DMKN: variants seen among roughly 807,000 people sequenced by gnomAD.
DMKN encodes the protein dermokine.
A neutral mutation model predicts 67.6 loss-of-function variants in DMKN; 58 were observed. The observed-to-expected ratio is 0.86, with a 90% CI of 0.69 to 1.07. The LOEUF is 1.07. DMKN is among the 50% of genes least tolerant of loss of function. The pLI is 0.00. For synonymous variants in DMKN, 240 were observed against 232.3 expected (o/e 1.03, Z -0.30); for missense variants, 596 against 601.5 (o/e 0.99, Z 0.10).
intron 7 of DMKN, chr19:35,508,125 C>A: frequency 6.5e-7 from 1 of 1,528,736 alleles, no homozygotes; most frequent in Non-Finnish European, 8.9e-7. Context: ...ACCTGTCTGC[C>A]AGTATTGCTC....
intron 10 of DMKN, 47 bp from the exon 11 acceptor site, chr19:35,502,230 G>C (rs543498849): frequency 1.9e-6 from 3 of 1,606,782 alleles, no homozygotes; most frequent in African/African-American, 2.7e-5. Context: ...CAGAACCCAC[G>C]GGGTGGTCTA....
At chr19:35,497,608 C>T (rs2067649780) in intron 15 of DMKN, 70 bp from the exon 16 acceptor site, 1 of 152,422 alleles carries the variant, frequency 6.6e-6, no homozygotes, top group Non-Finnish European at 1.5e-5. Context: ...CATCTTTTCA[C>T]CCAGCGTCTG....
rs1568638085 is a variant in DMKN, at chr19:35,511,503, T to TGCCACCACTGCTGCTGCC, written c.825_826insGGCAGCAGCAGTGGTGGC (p.Gly275_Ser276insGlySerSerSerGlyGly). ...CCGCCACTGCTGCCGCCACTGCTGC[T>TGCCACCACTGCTGCTGCC]GCCACTGCTGCTGCCACCACTGCTG... On this transcript the variant is annotated inframe_insertion, in exon 5 of 16. Transcript: ENST00000339686. The TGCCACCACTGCTGCTGCC allele has an allele frequency of 9.8e-7, 1 of 1,020,224 alleles. No homozygotes were observed. Among genetic ancestry groups the TGCCACCACTGCTGCTGCC allele is most frequent in the African/African-American group, 2.4e-5 (1 of 41,632 alleles). 63.2% of individuals were successfully genotyped at this position (1,020,224 alleles called of 1,614,324 possible). A position where few individuals can be genotyped will look rare whatever the true frequency, so the allele number is the denominator to read the frequency against.
chr19:35,499,238 G>A, intron 13 of DMKN: 1 of 360,578 alleles, frequency 2.8e-6, no homozygotes, highest in Non-Finnish European at 5.1e-6. Context: ...TCAGCAGAGT[G>A]GAAGCCACAG....
chr19:35,510,331 T>C lies in DMKN; in HGVS notation c.919-79A>G, dbSNP rs771348011. On this transcript the variant is annotated intron_variant, in intron 5 of 15. Transcript: ENST00000339686. ...CAGTCGTTCCCAGCGGTGTTACAGATTTGTTGGAACCCCAATCAGATTCCA... is the reference window on the plus strand; with the variant it reads ...CAGTCGTTCCCAGCGGTGTTACAGACTTGTTGGAACCCCAATCAGATTCCA... 2.6e-6 allele frequency: 4 copies of C among 1,553,268 alleles called. No homozygotes were observed. In the Admixed American group the frequency reaches 7.8e-5, roughly 30 times the overall value.
intron 7 of DMKN, chr19:35,506,203 G>A (rs765703449): frequency 6.0e-6 from 9 of 1,493,832 alleles, no homozygotes; most frequent in South Asian, 1.3e-5. Flanking sequence ...GGGAAAAGGG[G>A]GACCGATGTC....
intron 7 of DMKN, chr19:35,508,269 C>T (rs1417009024): frequency 6.4e-7 from 1 of 1,551,434 alleles, no homozygotes; most frequent in Non-Finnish European, 8.7e-7. Context: ...AAACACAGAC[C>T]CCTGCTGAAG....
chr19:35,504,086 G>A (rs1030553610), intron 9 of DMKN, among the ~76,000 whole-genome samples: 1 of 152,100 alleles, frequency 6.6e-6, no homozygotes, highest in Non-Finnish European at 1.5e-5. Context: ...TAGGAGATCT[G>A]CCCCTTGAGG....
chr19:35,501,081 T>A (rs1433038342), intron 11 of DMKN, among the ~76,000 whole-genome samples: 1 of 151,984 alleles, frequency 6.6e-6, no homozygotes, highest in African/African-American at 2.4e-5. Flanking sequence ...AGAAAACAGA[T>A]AAAGCAACTT....
chr19:35,501,659 G>A, intron 11 of DMKN: 2 of 658,406 alleles, frequency 3.0e-6, no homozygotes, highest in East Asian at 2.9e-5. Flanking sequence ...CATCCTCCCT[G>A]ACCCAGGTCT....
chr19:35,512,312 C>T, intron 3 of DMKN, 109 bp downstream of exon 3: 1 of 1,440,884 alleles, frequency 6.9e-7, no homozygotes, highest in Non-Finnish European at 9.4e-7. Context: ...CTCTTCCTCT[C>T]ACCCCAATCC....
chr19:35,501,864 G>A, intron 11 of DMKN: 1 of 1,586,934 alleles, frequency 6.3e-7, no homozygotes, highest in Non-Finnish European at 8.6e-7. Context: ...CCCAGCAGGA[G>A]CAGGAGCAGA....
chr19:35,511,019 T>C (rs996510728), intron 5 of DMKN, among the ~76,000 whole-genome samples: 20 of 152,162 alleles, frequency 1.3e-4, no homozygotes, highest in African/African-American at 4.8e-4. Context: ...ATCACAGTCC[T>C]GCCCCCATTC....
At chr19:35,504,450 A>T (rs2045410238) in intron 9 of DMKN, among the ~76,000 whole-genome samples, 2 of 151,838 alleles carry the variant, frequency 1.3e-5, no homozygotes, top group African/African-American at 4.8e-5. Flanking sequence ...GGTGGCGGGC[A>T]CCTGTAAACT....
Position 35,512,689 on chromosome 19 carries a change from G to A in DMKN, c.528C>T (p.Tyr176=). The A allele has an allele frequency of 6.2e-7, 1 of 1,614,168 alleles. No individual in the cohort carries two copies. The highest frequency in any genetic ancestry group is 8.5e-7 in the Non-Finnish European group (1 of 1,180,036). ...GGLGTPWVHG[Y]PGNSAGSFGM... ...CAAAGCTGCCTGCTGAGTTTCCGGGGTATCCGTGGACCCACGGAGTCCCCA... is the reference window on the plus strand; with the variant it reads ...CAAAGCTGCCTGCTGAGTTTCCGGGATATCCGTGGACCCACGGAGTCCCCA... Residue 176 remains tyrosine (Y), a synonymous_variant, in exon 2 of 16, where the codon TAC becomes TAT. Coordinates refer to ENST00000339686, the MANE Select transcript of DMKN (RefSeq NM_033317.5).
intron 11 of DMKN, chr19:35,501,850 CA>C: frequency 6.3e-7 from 1 of 1,582,738 alleles, no homozygotes; most frequent in Non-Finnish European, 8.6e-7. Context: ...GGGTCCAGGC[CA>C]GGCCCAGCAG....
intron 3 of DMKN, 50 bp from the exon 4 acceptor site, chr19:35,511,863 T>A (rs369353048): frequency 1.3e-6 from 2 of 1,576,688 alleles, no homozygotes; most frequent in African/African-American, 2.7e-5. Flanking sequence ...TTTGGAGACG[T>A]TGGCCTCGGC....
At chr19:35,503,094 G>A (rs1334717151) in intron 9 of DMKN, among the ~76,000 whole-genome samples, 1 of 152,112 alleles carries the variant, frequency 6.6e-6, no homozygotes, top group African/African-American at 2.4e-5. Context: ...CCCTGTCCCA[G>A]AGCATACAAT....
chr19:35,503,093 A>G (rs1439386838), intron 9 of DMKN, among the ~76,000 whole-genome samples: 3 of 152,178 alleles, frequency 2.0e-5, no homozygotes, highest in African/African-American at 7.2e-5. Flanking sequence ...TCCCTGTCCC[A>G]GAGCATACAA....
Sources: allele counts gnomAD v4.1 joint callset (sites outside exome capture counted in the v4.1 genomes callset), GRCh38; gene constraint gnomAD v4.1.1; transcripts MANE v1.5; gene names NCBI Gene and HGNC (gene_info 2026-07-23, HGNC 2026-07-21).